Variants in CIT observed in about 807,000 individuals in gnomAD.
The protein encoded by CIT is citron Rho-interacting kinase.
In CIT, 79 loss-of-function variants were observed where a neutral mutation model predicts 272.7. That is an observed-to-expected ratio of 0.29 (90% CI 0.24 to 0.35). The LOEUF is 0.35. CIT is among the 10% of genes least tolerant of loss of function. The probability of loss-of-function intolerance (pLI) is 1.00; values close to 1 mark genes in which losing one functional copy is unlikely to be tolerated. For missense variants in CIT, 1,909 were observed against 2,618.3 expected (o/e 0.73, Z 5.91); for synonymous variants, 948 against 995.6 (o/e 0.95, Z 0.90).
intron 2 of CIT, among the ~76,000 whole-genome samples, chr12:119,872,022 T>A (rs1363732273): frequency 6.6e-6 from 1 of 152,216 alleles, no homozygotes; most frequent in Admixed American, 6.5e-5. Flanking sequence ...AATATAGTAC[T>A]GGTTCTTAAC....
intron 10 of CIT, among the ~76,000 whole-genome samples, chr12:119,791,436 C>T (rs1460552860): frequency 6.6e-6 from 1 of 152,184 alleles, no homozygotes; most frequent in African/African-American, 2.4e-5. Flanking sequence ...AGCAACTCTC[C>T]CTCCCTCACT....
rs1447819178 is a variant in CIT at position 119,710,231 on chromosome 12, C to T, written c.5071+20G>A. ...CTCCCTTGAAAGTAAAGAAAAAACA[C>T]CATGTCCTTGGCCTCACACCTGCTA... On this transcript the variant is annotated intron_variant, in intron 39 of 47. Transcript: ENST00000392521. The surrounding 1 kb of genome is among the most constrained non-coding windows in gnomAD (Gnocchi z 5.6). 1 of 1,605,854 alleles carries T rather than the reference C, an allele frequency of 6.2e-7. No individual in the cohort carries two copies. The highest frequency in any genetic ancestry group is 8.5e-7 in the Non-Finnish European group (1 of 1,177,814).
intron 9 of CIT, among the ~76,000 whole-genome samples, chr12:119,808,057 AATAG>A (rs1396872272): frequency 3.3e-5 from 5 of 152,180 alleles, no homozygotes; most frequent in Non-Finnish European, 5.9e-5. Context: ...TCAGTTATAA[AATAG>A]ATAGCAGAAT....
At chr12:119,807,184 A>C (rs1439162493) in intron 9 of CIT, among the ~76,000 whole-genome samples, 1 of 152,240 alleles carries the variant, frequency 6.6e-6, no homozygotes, top group Non-Finnish European at 1.5e-5. Context: ...ACAGTTCAAG[A>C]AGCATTTGTG....
At chr12:119,870,145 C>T (rs539431340) in intron 2 of CIT, among the ~76,000 whole-genome samples, 1 of 152,158 alleles carries the variant, frequency 6.6e-6, no homozygotes, top group Non-Finnish European at 1.5e-5. Flanking sequence ...TTACTTTAAG[C>T]GCTGGAGTCT....
chr12:119,735,090 C>T (rs893853470), intron 25 of CIT, 70 bp downstream of exon 25: 96 of 1,455,420 alleles, frequency 6.6e-5, no homozygotes, highest in Non-Finnish European at 8.7e-5. Flanking sequence ...CTTGGGAGAA[C>T]GCACCAAGCA....
At position 119,782,504 on chromosome 12, in the gene CIT, G is replaced by A. The variant is rs771389932; in HGVS notation, c.1665+14C>T. 1 of 1,612,846 alleles carries A rather than the reference G, an allele frequency of 6.2e-7. No homozygotes were observed. Among genetic ancestry groups the A allele is most frequent in the Non-Finnish European group, 8.5e-7 (1 of 1,179,488 alleles). ...AGCCGAGATGCTGCTGTGCTCCCAG[G>A]CAAGCAGGCCTACCTGCTCTTTGAT... On this transcript the variant is annotated intron_variant, in intron 13 of 47. Transcript: ENST00000392521.
Position 119,694,018 on chromosome 12 carries a change from T to C in CIT, c.5883-3564A>G, listed in dbSNP as rs1455191173. ...CCAGAAGATTATCTTAGGTCATTTA[T>C]TCCCGGGGTTAAATAATCTCAGACC... On this transcript the variant is annotated intron_variant, in intron 46 of 47. Transcript: ENST00000392521. The surrounding 1 kb of genome is among the most constrained non-coding windows in gnomAD (Gnocchi z 4.5). Among the ~76,000 whole-genome samples, 2 of 152,208 alleles carry C rather than the reference T, an allele frequency of 1.3e-5. No homozygotes were observed. Among genetic ancestry groups the C allele is most frequent in the Non-Finnish European group, 2.9e-5 (2 of 68,030 alleles).
chr12:119,765,409 A>T (rs1962323754), intron 19 of CIT, among the ~76,000 whole-genome samples: 1 of 142,874 alleles, frequency 7.0e-6, no homozygotes, highest in Non-Finnish European at 1.5e-5. Flanking sequence ...ATTATATAAC[A>T]TATATATATA....
At chr12:119,797,769 A>T (rs748634792) in intron 10 of CIT, among the ~76,000 whole-genome samples, 1 of 152,244 alleles carries the variant, frequency 6.6e-6, no homozygotes, top group Non-Finnish European at 1.5e-5. Context: ...TATTTCATAA[A>T]AAGGAAACAG....
At chr12:119,848,430 C>T (rs148776345) in intron 5 of CIT, among the ~76,000 whole-genome samples, 2 of 152,302 alleles carry the variant, frequency 1.3e-5, no homozygotes, top group African/African-American at 4.8e-5. Context: ...TGATAGTCCT[C>T]TTTTAAGGGC....
chr12:119,828,945 C>G (rs1479498640), intron 7 of CIT, among the ~76,000 whole-genome samples: 3 of 147,908 alleles, frequency 2.0e-5, no homozygotes, highest in Admixed American at 1.4e-4. Flanking sequence ...GACTAGGGGA[C>G]AGAAGAGTCT....
At chr12:119,873,909 C>A (rs181104418) in intron 2 of CIT, among the ~76,000 whole-genome samples, 33 of 152,190 alleles carry the variant, frequency 2.2e-4, no homozygotes, top group African/African-American at 7.9e-4. Context: ...TAATACTATT[C>A]TATGCTGAGT....
chr12:119,801,599 G>A (rs754326371), intron 10 of CIT, among the ~76,000 whole-genome samples: 4 of 152,108 alleles, frequency 2.6e-5, no homozygotes, highest in Non-Finnish European at 4.4e-5. Flanking sequence ...CTCTCCACAC[G>A]TCCTTCCAGT....
chr12:119,809,288 G>A (rs1373303050), intron 9 of CIT, among the ~76,000 whole-genome samples: 1 of 151,988 alleles, frequency 6.6e-6, no homozygotes, highest in Admixed American at 6.6e-5. Flanking sequence ...GGGTGGAAGA[G>A]GCTAGTGCTA....
chr12:119,718,795 G>A lies in CIT; in HGVS notation c.3907C>T (p.Leu1303=). 6.2e-7 allele frequency: 1 copy of A among 1,614,216 alleles called. No individual in the cohort carries two copies. The highest frequency in any genetic ancestry group is 2.2e-5 in the East Asian group (1 of 44,882). ...PTQVPLQYNE[L]KLALEKEKAR... is the part of the protein sequence containing the mutation. Reference sequence around the variant, plus strand: ...TTCTCCTTCTCCAGGGCCAGCTTCAGCTCATTGTACTGCAGAGGAACCTGT... The same window carrying A: ...TTCTCCTTCTCCAGGGCCAGCTTCAACTCATTGTACTGCAGAGGAACCTGT... Residue 1303 remains leucine (L), a synonymous_variant, in exon 31 of 48, where the codon CTG becomes TTG. Transcript: ENST00000392521. This position sits in a 1 kb window ranked among gnomAD's most constrained non-coding sequence, Gnocchi z 4.8.
chr12:119,707,504 C>G (rs1390243468), intron 40 of CIT, among the ~76,000 whole-genome samples: 1 of 151,548 alleles, frequency 6.6e-6, no homozygotes, highest in Non-Finnish European at 1.5e-5. Context: ...CGACGAAAAC[C>G]ACAAAGGCCA....
intron 5 of CIT, among the ~76,000 whole-genome samples, chr12:119,849,346 G>A (rs1290068114): frequency 6.6e-6 from 1 of 151,794 alleles, no homozygotes; most frequent in Non-Finnish European, 1.5e-5. Context: ...AGAATCTCTT[G>A]AACCTGGGAG....
intron 30 of CIT, 92 bp downstream of exon 30, chr12:119,720,386 T>G: frequency 1.2e-6 from 1 of 850,352 alleles, no homozygotes; most frequent in South Asian, 1.7e-5. Flanking sequence ...TTTTCTTCTA[T>G]GTTCCTATGA....
Sources: allele counts gnomAD v4.1 joint callset (sites outside exome capture counted in the v4.1 genomes callset), GRCh38; gene constraint gnomAD v4.1.1; non-coding constraint Gnocchi (gnomAD v3.1); transcripts MANE v1.5; gene names NCBI Gene and HGNC (gene_info 2026-07-23, HGNC 2026-07-21).